GRIP2: variants seen among roughly 807,000 people sequenced by gnomAD.
GRIP2 encodes the protein glutamate receptor-interacting protein 2.
GRIP2 carries 58 observed loss-of-function variants against 108.3 expected under a neutral mutation model. The ratio of observed to expected loss-of-function variants is 0.54; its 90% CI spans 0.43 to 0.67. The LOEUF is 0.67. Ranked by LOEUF, GRIP2 falls within the 30% of genes least tolerant of loss-of-function variation. The pLI is 0.00. For missense variants in GRIP2, 1,278 were observed against 1,430.6 expected (o/e 0.89, Z 1.72); for synonymous variants, 586 against 598.2 (o/e 0.98, Z 0.30).
At chr3:14,551,290 C>T (rs1479233306) in intron 1 of GRIP2, among the ~76,000 whole-genome samples, 2 of 152,214 alleles carry the variant, frequency 1.3e-5, no homozygotes, top group Non-Finnish European at 2.9e-5. Flanking sequence ...AGCCGACAGA[C>T]AGAGACAATG....
At chr3:14,531,430 C>T (rs1405374331) in intron 1 of GRIP2, among the ~76,000 whole-genome samples, 2 of 152,214 alleles carry the variant, frequency 1.3e-5, no homozygotes, top group African/African-American at 2.4e-5. Context: ...CCCCAGCCTC[C>T]CTGCAGCATC....
chr3:14,583,058 TG>T, the GRIP2 span, among the ~76,000 whole-genome samples: 1 of 152,212 alleles, frequency 6.6e-6, no homozygotes, highest in African/African-American at 2.4e-5. Context: ...TCAGAGCAAG[TG>T]GCTGAGCAGG....
rs1440106815 is a variant in GRIP2, at chr3:14,493,016, G to A, written c.*649C>T. The A allele has an allele frequency of 1.3e-5, 2 of 152,214 alleles. No homozygotes were observed. Among genetic ancestry groups the A allele is most frequent in the African/African-American group, 4.8e-5 (2 of 41,448 alleles). The allele number at this position is 152,214 out of a possible 1,614,324, so 9.4% of individuals were successfully genotyped here. A position where few individuals can be genotyped will look rare whatever the true frequency, so the allele number is the denominator to read the frequency against. ...TCTCATAAGTGGGGACCAGATTCTG[G>A]GAATCTCAGAATCTCAGGACTAGCA... is the stretch of plus-strand genomic sequence containing the variant. On this transcript the variant is annotated 3_prime_UTR_variant, in exon 24 of 24. Transcript: ENST00000621039.
Position 14,506,983 on chromosome 3 carries a change from G to C in GRIP2, c.2219-3C>G, listed in dbSNP as rs771025468. The stretch of plus-strand genomic sequence containing the variant: ...CGACTTGCGGGGTAGGAGGGGACCT[G>C]GGAGGAGAGAGGGGTGTCAATTCTG... On this transcript the variant is annotated splice_polypyrimidine_tract_variant and splice_region_variant and intron_variant, in intron 18 of 23. Transcript: ENST00000621039. The C allele has an allele frequency of 5.0e-6, 8 of 1,595,928 alleles. No individual in the cohort carries two copies. The highest frequency in any genetic ancestry group is 6.8e-6 in the Non-Finnish European group (8 of 1,170,780).
Position 14,522,082 on chromosome 3 carries a change from C to CA in GRIP2, c.567-296_567-295insT. On this transcript the variant is annotated intron_variant, in intron 6 of 23. Coordinates refer to ENST00000621039, the MANE Select transcript of GRIP2 (RefSeq NM_001080423.4). This position sits in a 1 kb window ranked among gnomAD's most constrained non-coding sequence, Gnocchi z 4.3. ...GACTCAGTGCAGAACCCTGAAATGT[C>CA]TGAGCTGGGGGTGCTCTTCAAGCGT... The CA allele has an allele frequency of 2.7e-6, 1 of 367,908 alleles. No homozygotes were observed. Among genetic ancestry groups the CA allele is most frequent in the Non-Finnish European group, 4.9e-6 (1 of 205,866 alleles). 22.8% of individuals were successfully genotyped at this position (367,908 alleles called of 1,614,324 possible). A position where few individuals can be genotyped will look rare whatever the true frequency, so the allele number is the denominator to read the frequency against.
At chr3:14,561,297 T>A in the GRIP2 span, among the ~76,000 whole-genome samples, 4 of 152,226 alleles carry the variant, frequency 2.6e-5, no homozygotes, top group Non-Finnish European at 5.9e-5. Flanking sequence ...GAGGTCTGAA[T>A]TCAGGCCCCA....
intron 21 of GRIP2, among the ~76,000 whole-genome samples, chr3:14,501,737 T>A (rs1450367447): frequency 2.0e-5 from 3 of 152,208 alleles, no homozygotes; most frequent in Admixed American, 1.3e-4. Flanking sequence ...GATTTACTTA[T>A]TTTTTATTAC....
chr3:14,498,492 C>G (rs1429640476), intron 21 of GRIP2, among the ~76,000 whole-genome samples: 4 of 152,036 alleles, frequency 2.6e-5, no homozygotes. Context: ...TAGGGCCAAA[C>G]TGTTGGGTTG....
chr3:14,520,686 T>C (rs941372570), intron 7 of GRIP2, 149 bp from the exon 8 acceptor site: 9 of 773,456 alleles, frequency 1.2e-5, no homozygotes, highest in African/African-American at 1.8e-5. Flanking sequence ...TTTTCTTTCT[T>C]TTTTTATCTT....
At chr3:14,508,712 T>G (rs1693998663) in intron 17 of GRIP2, among the ~76,000 whole-genome samples, 1 of 152,110 alleles carries the variant, frequency 6.6e-6, no homozygotes, top group Non-Finnish European at 1.5e-5. Context: ...TGAGATGTGC[T>G]AAAAGCAGAA....
the GRIP2 span, among the ~76,000 whole-genome samples, chr3:14,581,114 G>A: frequency 1.3e-5 from 2 of 152,316 alleles, no homozygotes; most frequent in South Asian, 2.1e-4. Context: ...ATGGATGGGC[G>A]GATGGGTGGA....
chr3:14,506,643 G>A (rs930274820), intron 19 of GRIP2, among the ~76,000 whole-genome samples, 158 bp downstream of exon 19: 4 of 152,184 alleles, frequency 2.6e-5, no homozygotes, highest in Admixed American at 6.5e-5. Flanking sequence ...AGTGGCTTAC[G>A]GAGCCAAATC....
At chr3:14,589,020 A>G in the GRIP2 span, among the ~76,000 whole-genome samples, 1 of 152,092 alleles carries the variant, frequency 6.6e-6, no homozygotes, top group East Asian at 1.9e-4. Flanking sequence ...GAAAGCGCCT[A>G]CTCACTCGGG....
At chr3:14,514,831 A>G (rs1360374707) in intron 11 of GRIP2, among the ~76,000 whole-genome samples, 1 of 152,236 alleles carries the variant, frequency 6.6e-6, no homozygotes, top group Non-Finnish European at 1.5e-5. Context: ...CTTTTCGGTA[A>G]GAGGTTTATT....
chr3:14,578,012 G>C, the GRIP2 span, among the ~76,000 whole-genome samples: 1 of 152,260 alleles, frequency 6.6e-6, no homozygotes, highest in South Asian at 2.1e-4. Flanking sequence ...CTTCAGGCTG[G>C]TGAGAGGTCC....
upstream of GRIP2, among the ~76,000 whole-genome samples, chr3:14,558,352 C>A (rs1319362281): frequency 2.0e-5 from 3 of 152,160 alleles, no homozygotes; most frequent in Admixed American, 6.5e-5. Flanking sequence ...TGGCTTAGCC[C>A]AGGGAGGGCA....
At chr3:14,585,427 A>G in the GRIP2 span, among the ~76,000 whole-genome samples, 1 of 152,262 alleles carries the variant, frequency 6.6e-6, no homozygotes, top group African/African-American at 2.4e-5. Flanking sequence ...GCCTCCATAT[A>G]GCTCTGGGAG....
chr3:14,583,444 C>T, the GRIP2 span, among the ~76,000 whole-genome samples: 1 of 152,208 alleles, frequency 6.6e-6, no homozygotes, highest in African/African-American at 2.4e-5. Flanking sequence ...CCCACCACCT[C>T]CCAGGGAAGT....
chr3:14,517,345 T>C, intron 10 of GRIP2, 132 bp from the exon 11 acceptor site: 1 of 916,314 alleles, frequency 1.1e-6, no homozygotes, highest in East Asian at 3.0e-5. Flanking sequence ...AGTTACTCAT[T>C]GTGTGACCTC....
Sources: allele counts gnomAD v4.1 joint callset (sites outside exome capture counted in the v4.1 genomes callset), GRCh38; gene constraint gnomAD v4.1.1; non-coding constraint Gnocchi (gnomAD v3.1); transcripts MANE v1.5; gene names NCBI Gene and HGNC (gene_info 2026-07-23, HGNC 2026-07-21).